The following NIPA2 variants were observed in gnomAD, a reference collection of about 807,000 sequenced individuals.
The protein encoded by NIPA2 is magnesium transporter NIPA2.
In NIPA2, 11 loss-of-function variants were observed where a neutral mutation model predicts 29.7. The observed-to-expected ratio is 0.37, with a 90% CI of 0.23 to 0.61. NIPA2 has a LOEUF of 0.61. NIPA2 is among the 20% of genes least tolerant of loss of function. The pLI is 0.66. For missense variants in NIPA2, 426 were observed against 437.9 expected, an observed-to-expected ratio of 0.97 and a Z score of 0.24; for synonymous variants, 183 against 161.9, an observed-to-expected ratio of 1.13 and a Z score of -0.99.
At chr15:22,854,156 T>G (rs2058004159) in intron 5 of NIPA2, among the ~76,000 whole-genome samples, 2 of 149,166 alleles carry the variant, frequency 1.3e-5, no homozygotes, top group Admixed American at 1.3e-4. Flanking sequence ...TGAGACACAG[T>G]CTTGCTCTGT....
chr15:22,854,433 A>AT (rs1375409434), intron 5 of NIPA2, among the ~76,000 whole-genome samples: 1 of 147,688 alleles, frequency 6.8e-6, no homozygotes, highest in Non-Finnish European at 1.5e-5. Flanking sequence ...CCTCTTAGTT[A>AT]TTTTTAAATG....
In NIPA2 at chr15:22,851,674, C is replaced by A; in HGVS notation, c.-58C>A. On this transcript the variant is annotated 5_prime_UTR_variant, in exon 4 of 8. Transcript: ENST00000337451. ...TGCTTCATTCTGCCTCTAGTACCAG[C>A]GGTTTCTCTGTTCTGTGATCAATGT... The A allele has an allele frequency of 6.9e-7, 1 of 1,456,060 alleles. No individual in the cohort carries two copies. The allele number at this position is 1,456,060 out of a possible 1,614,324, so 90.2% of individuals were successfully genotyped here. A position where few individuals can be genotyped will look rare whatever the true frequency, so the allele number is the denominator to read the frequency against.
At chr15:22,842,870 G>C (rs960661001) in intron 2 of NIPA2, among the ~76,000 whole-genome samples, 7 of 150,756 alleles carry the variant, frequency 4.6e-5, no homozygotes. Flanking sequence ...TAGTGTAGTG[G>C]TGGGCGCCTG....
rs1218690070 is a variant in NIPA2 at position 22,860,701 on chromosome 15, T to G, written c.360T>G (p.Ile120Met). The G allele has an allele frequency of 1.2e-6, 2 of 1,601,678 alleles. No individual in the cohort carries two copies. Among genetic ancestry groups the G allele is most frequent in the Non-Finnish European group, 1.7e-6 (2 of 1,174,190 alleles). Reference sequence around the variant, plus strand: ...GGAAAATTGGGTGTTTGCTAAGTATTCTAGGATCTACAGTTATGGTCATTC... The same window carrying G: ...GGAAAATTGGGTGTTTGCTAAGTATGCTAGGATCTACAGTTATGGTCATTC... The part of the protein sequence containing the change: ...LHGKIGCLLS[I>M]LGSTVMVIHA... Residue 120 changes from isoleucine (I) to methionine (M), a missense_variant, in exon 7 of 8, where the codon ATT becomes ATG. This residue lies in a region of NIPA2 where 357 missense variants were observed against 339.8 expected (regional missense o/e 1.05). Coordinates refer to ENST00000337451, the MANE Select transcript of NIPA2 (RefSeq NM_030922.7).
intron 5 of NIPA2, among the ~76,000 whole-genome samples, chr15:22,853,728 T>C (rs750504774): frequency 6.6e-5 from 10 of 152,080 alleles, no homozygotes; most frequent in Non-Finnish European, 1.5e-5. Context: ...GTACATGAGA[T>C]ACTTTAATAA....
intron 5 of NIPA2, 118 bp downstream of exon 5, chr15:22,853,386 T>C (rs905439993): frequency 5.0e-6 from 3 of 604,014 alleles, no homozygotes; most frequent in Non-Finnish European, 8.2e-6. Context: ...TTTTTTTTTT[T>C]TTTTTGAGAC....
At chr15:22,848,057 C>G (rs1251739823) in intron 3 of NIPA2, among the ~76,000 whole-genome samples, 4 of 152,164 alleles carry the variant, frequency 2.6e-5, no homozygotes, top group Non-Finnish European at 5.9e-5. Context: ...CTCGGCCTCC[C>G]AAAGTGCTGG....
chr15:22,851,406 G>A (rs1424997199), intron 3 of NIPA2, among the ~76,000 whole-genome samples: 5 of 151,810 alleles, frequency 3.3e-5, no homozygotes, highest in Admixed American at 6.6e-5. Context: ...TAAAATATGG[G>A]ATCAGAGTTT....
intron 2 of NIPA2, among the ~76,000 whole-genome samples, chr15:22,841,257 T>C (rs1424865549): frequency 1.3e-5 from 2 of 152,200 alleles, no homozygotes; most frequent in Non-Finnish European, 2.9e-5. Context: ...ATCTCAAATA[T>C]ACACAATTTG....
At chr15:22,860,868 C>CAT in intron 7 of NIPA2, 79 bp downstream of exon 7, 1 of 1,061,368 alleles carries the variant, frequency 9.4e-7, no homozygotes, top group South Asian at 1.5e-5. Context: ...TTGATGAGCA[C>CAT]ATAAGGAAAG....
intron 2 of NIPA2, among the ~76,000 whole-genome samples, chr15:22,844,485 C>T (rs913770821): frequency 2.6e-5 from 4 of 151,780 alleles, no homozygotes; most frequent in African/African-American, 9.7e-5. Context: ...ACCCGGGAGA[C>T]GGAGGTTGCA....
chr15:22,849,480 C>T (rs1386247237), intron 3 of NIPA2, among the ~76,000 whole-genome samples: 1 of 151,994 alleles, frequency 6.6e-6, no homozygotes, highest in Non-Finnish European at 1.5e-5. Flanking sequence ...TTCGGGTAGA[C>T]AGTCTCATCC....
At position 22,860,795 on chromosome 15, in the gene NIPA2, A is replaced by G. The variant is rs1287686266; in HGVS notation, c.448+6A>G. ...TCACAAGCTAGGTGATCCAGGTAAG[A>G]AAAAAGTCTTATTAGTCTTACTGTA... On this transcript the variant is annotated splice_donor_region_variant and intron_variant, in intron 7 of 7. Coordinates refer to ENST00000337451, the MANE Select transcript of NIPA2 (RefSeq NM_030922.7). 5 of 1,578,586 alleles carry G rather than the reference A, an allele frequency of 3.2e-6. No individual in the cohort carries two copies. The highest frequency in any genetic ancestry group is 1.4e-5 in the African/African-American group (1 of 72,888).
chr15:22,847,467 CTT>C (rs571098735), intron 3 of NIPA2, among the ~76,000 whole-genome samples: 1 of 145,662 alleles, frequency 6.9e-6, no homozygotes, highest in Non-Finnish European at 1.5e-5. Flanking sequence ...GATGATGATT[CTT>C]TTTTTTTTTT....
chr15:22,866,954 A>G lies in NIPA2; in HGVS notation c.*107A>G, dbSNP rs1192307495. On this transcript the variant is annotated 3_prime_UTR_variant, in exon 8 of 8. Coordinates refer to ENST00000337451, the MANE Select transcript of NIPA2 (RefSeq NM_030922.7). The stretch of plus-strand genomic sequence containing the variant: ...CCTCAAATAATGTTCTTTAAAGGCA[A>G]TCTTTTTAAAGATTTCACTAATTTG... The G allele has an allele frequency of 5.4e-6, 6 of 1,101,080 alleles. No individual in the cohort carries two copies. Among genetic ancestry groups the G allele is most frequent in the South Asian group, 1.7e-5 (1 of 60,392 alleles). The allele number at this position is 1,101,080 out of a possible 1,614,324, so 68.2% of individuals were successfully genotyped here.
intron 3 of NIPA2, among the ~76,000 whole-genome samples, chr15:22,845,470 C>T (rs1025473080): frequency 4.6e-5 from 7 of 152,054 alleles, no homozygotes; most frequent in Admixed American, 1.3e-4. Context: ...AATTTGCTAC[C>T]GTAAATGAGT....
chr15:22,860,265 G>T (rs2058528078), intron 6 of NIPA2, among the ~76,000 whole-genome samples: 1 of 151,942 alleles, frequency 6.6e-6, no homozygotes, highest in African/African-American at 2.4e-5. Context: ...GGTGACCCGC[G>T]CACCTTGGCC....
At chr15:22,854,177 G>A (rs2058007403) in intron 5 of NIPA2, among the ~76,000 whole-genome samples, 1 of 150,846 alleles carries the variant, frequency 6.6e-6, no homozygotes, top group African/African-American at 2.4e-5. Flanking sequence ...TGCCAGGCTG[G>A]AGTGTAGTGG....
intron 2 of NIPA2, among the ~76,000 whole-genome samples, chr15:22,844,446 C>CG (rs1898024883): frequency 6.6e-6 from 1 of 151,608 alleles, no homozygotes; most frequent in Admixed American, 6.6e-5. Flanking sequence ...CCCAGCTATG[C>CG]GGGAGGCTGA....
Sources: gnomAD v4.1 joint callset for allele counts (sites outside exome capture counted in the v4.1 genomes callset) on GRCh38, gnomAD v4.1.1 for gene constraint, gnomAD v4.1.1 regional missense constraint, MANE v1.5 for transcripts, NCBI Gene and HGNC (gene_info 2026-07-23, HGNC 2026-07-21) for gene names.